LPAR1: variants seen among roughly 807,000 people sequenced by gnomAD.
The protein encoded by LPAR1 is LPA receptor 1.
In LPAR1, 5 loss-of-function variants were observed where a neutral mutation model predicts 23.8. That is an observed-to-expected ratio of 0.21 (90% CI 0.11 to 0.44). The LOEUF (loss-of-function observed/expected upper bound fraction) is 0.44. Ranked by LOEUF, LPAR1 falls within the 20% of genes least tolerant of loss-of-function variation. The pLI, the probability that LPAR1 is intolerant of heterozygous loss-of-function variation, is 0.99. For missense variants in LPAR1, 311 were observed against 482.8 expected (o/e 0.64, Z 3.33); for synonymous variants, 160 against 164.7 (o/e 0.97, Z 0.22).
chr9:110,955,465 A>T (rs2136939914), intron 4 of LPAR1, among the ~76,000 whole-genome samples: 1 of 152,348 alleles, frequency 6.6e-6, no homozygotes, highest in African/African-American at 2.4e-5. Flanking sequence ...ACAGATTCCA[A>T]TACAATAATG....
At chr9:111,032,695 A>G (rs1406723854) in intron 2 of LPAR1, among the ~76,000 whole-genome samples, 1 of 152,190 alleles carries the variant, frequency 6.6e-6, no homozygotes, top group Non-Finnish European at 1.5e-5. Context: ...AGTAGAACAG[A>G]TCGATATAAA....
chr9:110,939,792 C>T (rs1410338419), intron 5 of LPAR1, among the ~76,000 whole-genome samples: 1 of 152,184 alleles, frequency 6.6e-6, no homozygotes, highest in Admixed American at 6.5e-5. Flanking sequence ...GCTGGCAATT[C>T]TGCAAACTAT....
chr9:110,982,887 C>T (rs936292720), intron 2 of LPAR1, among the ~76,000 whole-genome samples: 1 of 151,484 alleles, frequency 6.6e-6, no homozygotes, highest in Non-Finnish European at 1.5e-5. Flanking sequence ...CACACACACA[C>T]ACACACACAC....
At chr9:111,022,488 T>C (rs1826330158) in intron 2 of LPAR1, among the ~76,000 whole-genome samples, 1 of 152,082 alleles carries the variant, frequency 6.6e-6, no homozygotes, top group African/African-American at 2.4e-5. Flanking sequence ...ACTAAAATCC[T>C]ACCAAGGTAA....
chr9:110,985,852 G>C (rs1445794415), intron 2 of LPAR1, among the ~76,000 whole-genome samples: 2 of 152,042 alleles, frequency 1.3e-5, no homozygotes, highest in Non-Finnish European at 2.9e-5. Flanking sequence ...TAGAAAATGG[G>C]AGAAAATCTC....
At chr9:110,915,776 T>C (rs2093021237) in intron 5 of LPAR1, among the ~76,000 whole-genome samples, 1 of 152,200 alleles carries the variant, frequency 6.6e-6, no homozygotes, top group Non-Finnish European at 1.5e-5. Context: ...ATTCCTTAGA[T>C]GTAGATTTTA....
At chr9:110,879,009 TAGTACTC>T (rs1227852170) in intron 5 of LPAR1, among the ~76,000 whole-genome samples, 1 of 152,156 alleles carries the variant, frequency 6.6e-6, no homozygotes, top group Non-Finnish European at 1.5e-5. Flanking sequence ...GAATGAAATA[TAGTACTC>T]AGTAGTCATA....
At chr9:110,935,648 G>A (rs1457701708) in intron 5 of LPAR1, among the ~76,000 whole-genome samples, 1 of 152,114 alleles carries the variant, frequency 6.6e-6, no homozygotes, top group African/African-American at 2.4e-5. Context: ...AACAAACAGA[G>A]AGCAGAGCCT....
At chr9:110,991,997 G>GTTTTTT (rs34666038) in intron 2 of LPAR1, among the ~76,000 whole-genome samples, 1 of 149,016 alleles carries the variant, frequency 6.7e-6, no homozygotes. Context: ...TTAAAAGCTT[G>GTTTTTT]TTTTTTTTTT....
At chr9:110,921,520 G>T (rs1472284027) in intron 5 of LPAR1, among the ~76,000 whole-genome samples, 2 of 152,186 alleles carry the variant, frequency 1.3e-5, no homozygotes, top group African/African-American at 4.8e-5. Context: ...CATGAAGGAA[G>T]TCAATTATCT....
chr9:110,986,016 AAAG>A (rs1267065855), intron 2 of LPAR1, among the ~76,000 whole-genome samples: 2 of 152,126 alleles, frequency 1.3e-5, no homozygotes, highest in Non-Finnish European at 2.9e-5. Flanking sequence ...AGGATTCCAC[AAAG>A]AAGACTGAAA....
At chr9:110,988,201 T>A (rs1045012537) in intron 2 of LPAR1, among the ~76,000 whole-genome samples, 1 of 152,066 alleles carries the variant, frequency 6.6e-6, no homozygotes, top group Non-Finnish European at 1.5e-5. Flanking sequence ...GAATTCATCA[T>A]AAGCAGACGT....
intron 2 of LPAR1, among the ~76,000 whole-genome samples, chr9:110,974,107 C>T (rs933626079): frequency 6.6e-6 from 1 of 151,620 alleles, no homozygotes; most frequent in Non-Finnish European, 1.5e-5. Flanking sequence ...TGCAGTGAGC[C>T]GAGATCGTGC....
chr9:110,935,414 TAA>T (rs5899925), intron 5 of LPAR1, among the ~76,000 whole-genome samples: 65 of 145,828 alleles, frequency 4.5e-4, no homozygotes, highest in Middle Eastern at 3.5e-3. Flanking sequence ...ACTCCAGCCT[TAA>T]AAAAAAAAAA....
At chr9:110,909,295 CG>C (rs1435946572) in intron 5 of LPAR1, among the ~76,000 whole-genome samples, 2 of 152,160 alleles carry the variant, frequency 1.3e-5, no homozygotes, top group Non-Finnish European at 2.9e-5. Context: ...GACCAAACCC[CG>C]GGTGTTTCAG....
chr9:110,909,376 T>C (rs1160644549), intron 5 of LPAR1, among the ~76,000 whole-genome samples: 1 of 151,530 alleles, frequency 6.6e-6, no homozygotes, highest in Non-Finnish European at 1.5e-5. Context: ...TGCTCACATT[T>C]CATTGATTGA....
intron 4 of LPAR1, among the ~76,000 whole-genome samples, chr9:110,964,505 C>T (rs10817125): frequency 0.38 from 58,351 of 151,850 alleles, 12,155 homozygotes; most frequent in Non-Finnish European, 0.47. Context: ...GCTAGGGATC[C>T]TAAAATACTT....
At chr9:110,882,198 T>C (rs750385578) in intron 5 of LPAR1, among the ~76,000 whole-genome samples, 1 of 152,204 alleles carries the variant, frequency 6.6e-6, no homozygotes, top group Non-Finnish European at 1.5e-5. Context: ...TTATTGTATT[T>C]ATTGGTTTAC....
chr9:110,991,172 A>C (rs894808960), intron 2 of LPAR1, among the ~76,000 whole-genome samples: 1 of 152,236 alleles, frequency 6.6e-6, no homozygotes, highest in Non-Finnish European at 1.5e-5. Flanking sequence ...TTGCGTAAGC[A>C]AAGTTTCCTT....
Sources: gnomAD v4.1 joint callset for allele counts (sites outside exome capture counted in the v4.1 genomes callset) on GRCh38, gnomAD v4.1.1 for gene constraint, MANE v1.5 for transcripts, NCBI Gene and HGNC (gene_info 2026-07-23, HGNC 2026-07-21) for gene names.